The following CRPPA variants were observed in gnomAD, a reference collection of about 807,000 sequenced individuals.
CRPPA encodes D-ribitol-5-phosphate cytidylyltransferase.
CRPPA carries 43 observed loss-of-function variants against 52.0 expected under a neutral mutation model. That is an observed-to-expected ratio of 0.83 (90% confidence interval 0.65 to 1.07). CRPPA has a LOEUF of 1.07. Ranked by LOEUF, CRPPA falls within the 50% of genes least tolerant of loss-of-function variation. CRPPA has a pLI of 0.00. For missense variants in CRPPA, 629 were observed against 551.7 expected (o/e 1.14, Z -1.40); for synonymous variants, 250 against 203.5 (o/e 1.23, Z -1.94).
At chr7:16,224,095 AT>A (rs1208225409) in intron 8 of CRPPA, among the ~76,000 whole-genome samples, 2 of 151,980 alleles carry the variant, frequency 1.3e-5, no homozygotes, top group Non-Finnish European at 2.9e-5. Flanking sequence ...CTGCTTAAAC[AT>A]TTAACATGTG....
At chr7:16,118,998 C>A (rs1227240340) in intron 9 of CRPPA, among the ~76,000 whole-genome samples, 2 of 152,048 alleles carry the variant, frequency 1.3e-5, no homozygotes, top group Non-Finnish European at 2.9e-5. Flanking sequence ...CATCCTCAGA[C>A]AACCTCTGCC....
chr7:16,286,039 ATATAAATAT>A lies in CRPPA; in HGVS notation c.836-7822_836-7814del, dbSNP rs1562608360. Among the ~76,000 whole-genome samples, 54 of 23,948 alleles carry A rather than the reference ATATAAATAT, an allele frequency of 2.3e-3. 6 individuals carry two copies. The highest frequency in any genetic ancestry group is 0.014 in the East Asian group (13 of 962). 15.7% of individuals were successfully genotyped at this position (23,948 alleles called of 152,430 possible). On this transcript the variant is annotated intron_variant, in intron 5 of 9. Transcript: ENST00000407010. The stretch of plus-strand genomic sequence containing the variant: ...CCATCTCAAAAAAAAAAAAAAAAAA[ATATAAATAT>A]ATATATATATATATATATATATATA...
chr7:16,165,471 T>A (rs1256589710), intron 9 of CRPPA, among the ~76,000 whole-genome samples: 2 of 152,188 alleles, frequency 1.3e-5, no homozygotes, highest in Admixed American at 1.3e-4. Flanking sequence ...TATCATCAGT[T>A]CTAGGAACTA....
chr7:16,332,780 T>C (rs546686596), intron 3 of CRPPA, among the ~76,000 whole-genome samples: 1 of 152,258 alleles, frequency 6.6e-6, no homozygotes, highest in South Asian at 2.1e-4. Flanking sequence ...ATGTAGTCAA[T>C]ATTAACCCAA....
intron 2 of CRPPA, among the ~76,000 whole-genome samples, chr7:16,385,024 C>G (rs1787218816): frequency 6.6e-6 from 1 of 152,046 alleles, no homozygotes; most frequent in African/African-American, 2.4e-5. Flanking sequence ...AAAAGTATAA[C>G]TATAATGAAC....
intron 9 of CRPPA, chr7:16,208,847 T>C (rs1782038390): frequency 4.7e-6 from 1 of 213,516 alleles, no homozygotes; most frequent in Non-Finnish European, 9.7e-6. Context: ...TTATGTTGTA[T>C]ATAATGACAT....
intron 9 of CRPPA, among the ~76,000 whole-genome samples, chr7:16,191,500 T>C (rs1420504353): frequency 6.6e-6 from 1 of 152,014 alleles, no homozygotes; most frequent in Non-Finnish European, 1.5e-5. Context: ...ACTCCTAAGG[T>C]GAAAGAGGAA....
intron 9 of CRPPA, among the ~76,000 whole-genome samples, chr7:16,206,116 A>G (rs1367411945): frequency 6.6e-6 from 1 of 152,148 alleles, no homozygotes; most frequent in African/African-American, 2.4e-5. Context: ...ATACCTTCAT[A>G]CATTAAAAAA....
chr7:16,335,384 C>T (rs1482551969), intron 3 of CRPPA, among the ~76,000 whole-genome samples: 1 of 151,882 alleles, frequency 6.6e-6, no homozygotes, highest in Non-Finnish European at 1.5e-5. Flanking sequence ...CAGGGAACTA[C>T]AAGAAATACA....
At chr7:16,290,354 G>GA (rs900819280) in intron 5 of CRPPA, among the ~76,000 whole-genome samples, 1 of 150,790 alleles carries the variant, frequency 6.6e-6, no homozygotes, top group Non-Finnish European at 1.5e-5. Flanking sequence ...AAGCAATCCT[G>GA]AAAAAAAAGA....
At chr7:16,223,829 T>C (rs1042958452) in intron 8 of CRPPA, among the ~76,000 whole-genome samples, 19 of 152,130 alleles carry the variant, frequency 1.2e-4, no homozygotes, top group Non-Finnish European at 2.1e-4. Flanking sequence ...CAGCCAAACA[T>C]TTCATATAGG....
intron 3 of CRPPA, among the ~76,000 whole-genome samples, chr7:16,369,968 G>C (rs898232392): frequency 5.9e-5 from 9 of 152,130 alleles, no homozygotes; most frequent in African/African-American, 2.2e-4. Flanking sequence ...AACCACAGCA[G>C]AAGCTCTTAA....
intron 9 of CRPPA, among the ~76,000 whole-genome samples, chr7:16,132,005 T>C (rs752195359): frequency 2.0e-5 from 3 of 152,154 alleles, no homozygotes; most frequent in African/African-American, 7.2e-5. Flanking sequence ...GAAGAGGTAC[T>C]GCAAACAGCT....
At chr7:16,240,078 T>G (rs1395357945) in intron 8 of CRPPA, among the ~76,000 whole-genome samples, 1 of 151,770 alleles carries the variant, frequency 6.6e-6, no homozygotes, top group Non-Finnish European at 1.5e-5. Flanking sequence ...ACACAAACTT[T>G]CCATTAACCA....
At chr7:16,257,147 C>T (rs148830941) in intron 8 of CRPPA, among the ~76,000 whole-genome samples, 85 of 152,154 alleles carry the variant, frequency 5.6e-4, no homozygotes, top group African/African-American at 1.5e-3. Context: ...GTTTCTACGT[C>T]GAGGAAACCA....
intron 9 of CRPPA, chr7:16,209,273 C>CTTTTTTTTTTTTTT (rs34795937): frequency 1.5e-4 from 19 of 123,074 alleles, no homozygotes; most frequent in Non-Finnish European, 2.3e-4. Flanking sequence ...TTCTAAGTGT[C>CTTTTTTTTTTTTTT]TTTTTTTTTT....
At chr7:16,194,898 T>C (rs559526309) in intron 9 of CRPPA, among the ~76,000 whole-genome samples, 2 of 151,852 alleles carry the variant, frequency 1.3e-5, no homozygotes, top group East Asian at 1.9e-4. Flanking sequence ...ATGGATATTG[T>C]TGGGAGGTGG....
intron 9 of CRPPA, among the ~76,000 whole-genome samples, chr7:16,177,668 G>C (rs1397706500): frequency 1.3e-5 from 2 of 152,092 alleles, no homozygotes; most frequent in Non-Finnish European, 2.9e-5. Context: ...TCTTGTTATA[G>C]TACTAAGAGC....
chr7:16,190,799 A>T (rs1781594181), intron 9 of CRPPA, among the ~76,000 whole-genome samples: 1 of 152,000 alleles, frequency 6.6e-6, no homozygotes. Flanking sequence ...CCCGAAATCC[A>T]TTGTATGATT....
Sources: allele counts gnomAD v4.1 joint callset (sites outside exome capture counted in the v4.1 genomes callset), GRCh38; gene constraint gnomAD v4.1.1; transcripts MANE v1.5; gene names NCBI Gene and HGNC (gene_info 2026-07-23, HGNC 2026-07-21).